SPATA17: variants seen among roughly 807,000 people sequenced by gnomAD.
The protein encoded by SPATA17 is spermatogenesis associated 17.
A neutral mutation model predicts 62.2 loss-of-function variants in SPATA17; 53 were observed. The ratio of observed to expected loss-of-function variants is 0.85; its 90% CI spans 0.68 to 1.07. The LOEUF is 1.07. SPATA17 is among the 50% of genes least tolerant of loss of function. SPATA17 has a pLI of 0.00. For synonymous variants in SPATA17, 146 were observed against 146.8 expected (o/e 0.99, Z 0.04); for missense variants, 466 against 425.5 (o/e 1.10, Z -0.84).
chr1:217,696,370 C>A (rs1014137359), intron 5 of SPATA17, among the ~76,000 whole-genome samples: 4 of 152,148 alleles, frequency 2.6e-5, no homozygotes, highest in African/African-American at 7.2e-5. Context: ...GTGCGCGCAC[C>A]CACTGGCCTG....
At position 217,701,567 on chromosome 1, in the gene SPATA17, A is replaced by G. The variant is rs1671599630; in HGVS notation, c.395+18206A>G. 2.0e-5 allele frequency among the ~76,000 whole-genome samples: 3 copies of G among 146,812 alleles called. 1 individual carries two copies. In the South Asian group the frequency reaches 6.6e-4, roughly 32 times the overall value. ...TGCCTGGCTAATTTTTTGTATTTTTAGTAGAGACGGGGTTTCGCCATGTTG... is the reference window on the plus strand; with the variant it reads ...TGCCTGGCTAATTTTTTGTATTTTTGGTAGAGACGGGGTTTCGCCATGTTG... On this transcript the variant is annotated intron_variant, in intron 5 of 10. Coordinates refer to ENST00000366933, the MANE Select transcript of SPATA17 (RefSeq NM_138796.4).
intron 9 of SPATA17, among the ~76,000 whole-genome samples, chr1:217,805,434 G>A (rs942814704): frequency 2.0e-5 from 3 of 152,164 alleles, no homozygotes; most frequent in Non-Finnish European, 2.9e-5. Context: ...CAAAGTTTCA[G>A]TTAGGATGAA....
chr1:217,683,008 CTG>C (rs1671124345), intron 4 of SPATA17, among the ~76,000 whole-genome samples: 1 of 151,518 alleles, frequency 6.6e-6, no homozygotes. Flanking sequence ...GTTTAGTATT[CTG>C]TGAGATAATT....
In SPATA17 at chr1:217,855,863, A is replaced by T. The variant is rs1230233515; in HGVS notation, c.1006-6911A>T. ...TGCCTTAGCCTCCCAAGTAACTGAG[A>T]CTACAGGTGCGTGCCACCAAGTCCA... On this transcript the variant is annotated intron_variant, in intron 9 of 10. Coordinates refer to ENST00000366933, the MANE Select transcript of SPATA17 (RefSeq NM_138796.4). 9.9e-5 allele frequency among the ~76,000 whole-genome samples: 15 copies of T among 151,464 alleles called. No homozygotes were observed. In the East Asian group the frequency reaches 2.3e-3, roughly 24 times the overall value.
intron 5 of SPATA17, among the ~76,000 whole-genome samples, chr1:217,717,849 A>G (rs1291380477): frequency 6.6e-6 from 1 of 152,188 alleles, no homozygotes; most frequent in Admixed American, 6.5e-5. Context: ...ACAGAAGTTA[A>G]TAACTGCTTT....
chr1:217,723,834 A>C (rs1317977511), intron 5 of SPATA17, among the ~76,000 whole-genome samples: 2 of 152,236 alleles, frequency 1.3e-5, no homozygotes, highest in African/African-American at 4.8e-5. Flanking sequence ...ATACTGCATA[A>C]CAGGAGTTAG....
At chr1:217,721,623 C>A (rs191893775) in intron 5 of SPATA17, among the ~76,000 whole-genome samples, 47 of 152,246 alleles carry the variant, frequency 3.1e-4, no homozygotes, top group Non-Finnish European at 5.3e-4. Flanking sequence ...ATATTTTTGC[C>A]ATAGCCGTTC....
At chr1:217,769,768 T>A (rs761737808) in intron 6 of SPATA17, among the ~76,000 whole-genome samples, 23 of 152,232 alleles carry the variant, frequency 1.5e-4, no homozygotes, top group Non-Finnish European at 2.8e-4. Context: ...AATGTTTCCA[T>A]GAAATTCCTA....
intron 8 of SPATA17, among the ~76,000 whole-genome samples, chr1:217,798,834 G>C (rs1012060408): frequency 6.6e-6 from 1 of 150,826 alleles, no homozygotes; most frequent in Admixed American, 6.6e-5. Context: ...ACTGATAGGA[G>C]ACAATATAAG....
chr1:217,656,672 A>G (rs953646181), intron 3 of SPATA17, among the ~76,000 whole-genome samples: 1 of 152,214 alleles, frequency 6.6e-6, no homozygotes, highest in Non-Finnish European at 1.5e-5. Flanking sequence ...ATGAAATAAG[A>G]TTAAAATAGC....
intron 8 of SPATA17, among the ~76,000 whole-genome samples, chr1:217,792,704 AG>A (rs1674025830): frequency 6.6e-6 from 1 of 152,172 alleles, no homozygotes; most frequent in African/African-American, 2.4e-5. Flanking sequence ...ATAAGGGTTA[AG>A]TTAAAGGTCT....
intron 5 of SPATA17, chr1:217,737,790 T>C (rs1269090259): frequency 3.3e-5 from 5 of 151,880 alleles, no homozygotes; most frequent in Admixed American, 1.3e-4. Flanking sequence ...AAGAGCCCCA[T>C]AGTGATGCAA....
At chr1:217,787,220 C>T (rs1276508321) in intron 8 of SPATA17, among the ~76,000 whole-genome samples, 1 of 152,110 alleles carries the variant, frequency 6.6e-6, no homozygotes, top group Non-Finnish European at 1.5e-5. Context: ...AAAATCCCTT[C>T]AACCTGGTCT....
intron 3 of SPATA17, among the ~76,000 whole-genome samples, chr1:217,652,710 C>T (rs1054387497): frequency 4.6e-5 from 7 of 152,136 alleles, no homozygotes; most frequent in Non-Finnish European, 8.8e-5. Flanking sequence ...ATCCTAGGTG[C>T]CAGACACTGT....
chr1:217,802,506 G>T (rs571603832), intron 9 of SPATA17, among the ~76,000 whole-genome samples: 3 of 152,052 alleles, frequency 2.0e-5, no homozygotes, highest in African/African-American at 4.8e-5. Context: ...CATAGTTTCT[G>T]GTGAGGCCTT....
At chr1:217,732,084 T>TTCTCTCTCTCTCTCTC (rs60691625) in intron 5 of SPATA17, among the ~76,000 whole-genome samples, 3,891 of 148,708 alleles carry the variant, frequency 0.026, 76 homozygotes, top group African/African-American at 0.049. Context: ...TTACTCCAGT[T>TTCTCTCTCTCTCTCTC]TCTCTCTCTC....
chr1:217,653,132 T>C (rs1378832884), intron 3 of SPATA17, among the ~76,000 whole-genome samples: 1 of 152,152 alleles, frequency 6.6e-6, no homozygotes, highest in Admixed American at 6.5e-5. Context: ...GATAATTTTA[T>C]TATATGTGAG....
intron 9 of SPATA17, among the ~76,000 whole-genome samples, chr1:217,811,190 C>T (rs1674577062): frequency 6.6e-6 from 1 of 152,034 alleles, no homozygotes; most frequent in Non-Finnish European, 1.5e-5. Flanking sequence ...TGCACCACCA[C>T]ACTCAGCTAA....
At chr1:217,842,299 G>A (rs1675426856) in intron 9 of SPATA17, among the ~76,000 whole-genome samples, 1 of 151,868 alleles carries the variant, frequency 6.6e-6, no homozygotes, top group African/African-American at 2.4e-5. Flanking sequence ...TCAAGTTTTA[G>A]TATCGAGATT....
Sources: gnomAD v4.1 joint callset for allele counts (sites outside exome capture counted in the v4.1 genomes callset) on GRCh38, gnomAD v4.1.1 for gene constraint, MANE v1.5 for transcripts, NCBI Gene and HGNC (gene_info 2026-07-23, HGNC 2026-07-21) for gene names.